Variants in SLC25A13 observed in about 807,000 individuals in gnomAD.
SLC25A13 encodes electrogenic aspartate/glutamate antiporter SLC25A13, mitochondrial.
SLC25A13 carries 70 observed loss-of-function variants against 85.5 expected under a neutral mutation model. The observed-to-expected ratio is 0.82, with a 90% confidence interval of 0.68 to 1.00. The LOEUF is 1.00. Among genes scored for constraint, SLC25A13 ranks in the 50% least tolerant of loss-of-function variants. The pLI is 0.00. For missense variants in SLC25A13, 765 were observed against 819.8 expected (o/e 0.93, Z 0.82); for synonymous variants, 259 against 288.7 (o/e 0.90, Z 1.04).
At chr7:96,156,619 T>G (rs926446585) in intron 13 of SLC25A13, among the ~76,000 whole-genome samples, 2 of 152,244 alleles carry the variant, frequency 1.3e-5, no homozygotes, top group Middle Eastern at 3.4e-3. Flanking sequence ...GCCTGGCTAA[T>G]TTTTTGTGTT....
At chr7:96,179,030 T>C (rs191276535) in intron 11 of SLC25A13, among the ~76,000 whole-genome samples, 2 of 152,366 alleles carry the variant, frequency 1.3e-5, no homozygotes, top group Admixed American at 6.5e-5. Context: ...TTTCAAGCAC[T>C]GTCTGTTATC....
chr7:96,197,595 T>G (rs533856262), intron 5 of SLC25A13, among the ~76,000 whole-genome samples: 50 of 152,340 alleles, frequency 3.3e-4, no homozygotes, highest in Admixed American at 6.5e-4. Context: ...TCAAAGCTCC[T>G]GGTTTGCACC....
At chr7:96,243,728 G>A (rs1015149580) in intron 3 of SLC25A13, among the ~76,000 whole-genome samples, 13 of 152,116 alleles carry the variant, frequency 8.5e-5, no homozygotes, top group African/African-American at 2.2e-4. Context: ...TTGGAGGACA[G>A]GGATGTGAGG....
At chr7:96,189,453 C>A (rs1794760572) in intron 8 of SLC25A13, 75 bp from the exon 9 acceptor site, 1 of 1,556,462 alleles carries the variant, frequency 6.4e-7, no homozygotes, top group Non-Finnish European at 8.9e-7. Flanking sequence ...TTAAAAACAT[C>A]CCTTTTTTCA....
At chr7:96,182,467 G>C (rs1352232698) in intron 11 of SLC25A13, among the ~76,000 whole-genome samples, 1 of 152,184 alleles carries the variant, frequency 6.6e-6, no homozygotes, top group African/African-American at 2.4e-5. Context: ...TTCTAAACCA[G>C]GAAAAGGGTG....
At chr7:96,160,559 A>G (rs1793467859) in intron 13 of SLC25A13, among the ~76,000 whole-genome samples, 1 of 152,162 alleles carries the variant, frequency 6.6e-6, no homozygotes, top group Admixed American at 6.5e-5. Context: ...CTGTCTTCTC[A>G]CTGTGTCCTC....
chr7:96,128,953 T>G (rs1205972532), intron 15 of SLC25A13, among the ~76,000 whole-genome samples: 2 of 146,590 alleles, frequency 1.4e-5, no homozygotes, highest in African/African-American at 5.0e-5. Context: ...TCTCTCTCTC[T>G]CTCTCTCTCT....
At chr7:96,257,877 C>T (rs192118588) in intron 3 of SLC25A13, among the ~76,000 whole-genome samples, 56 of 152,244 alleles carry the variant, frequency 3.7e-4, no homozygotes, top group Admixed American at 9.2e-4. Flanking sequence ...ATAATCAAGT[C>T]GGCTTCATCC....
At chr7:96,247,113 G>A (rs1797220707) in intron 3 of SLC25A13, among the ~76,000 whole-genome samples, 1 of 152,148 alleles carries the variant, frequency 6.6e-6, no homozygotes, top group Non-Finnish European at 1.5e-5. Flanking sequence ...CTGAAATAAT[G>A]TGTACTATAG....
At chr7:96,263,034 A>G (rs1797916790) in intron 3 of SLC25A13, among the ~76,000 whole-genome samples, 1 of 151,340 alleles carries the variant, frequency 6.6e-6, no homozygotes, top group Non-Finnish European at 1.5e-5. Flanking sequence ...AGGAAAAAAA[A>G]AAAAAAAAAA....
At chr7:96,311,603 C>A (rs1297249316) in intron 1 of SLC25A13, among the ~76,000 whole-genome samples, 4 of 152,140 alleles carry the variant, frequency 2.6e-5, no homozygotes, top group Non-Finnish European at 4.4e-5. Context: ...CATGTGTGGA[C>A]TATATCTGAA....
At chr7:96,266,497 T>C (rs1798046819) in intron 3 of SLC25A13, among the ~76,000 whole-genome samples, 1 of 152,096 alleles carries the variant, frequency 6.6e-6, no homozygotes, top group South Asian at 2.1e-4. Context: ...AAAGAAGGCT[T>C]GGATTGGTAA....
chr7:96,246,099 A>C (rs1797179389), intron 3 of SLC25A13, among the ~76,000 whole-genome samples: 1 of 152,230 alleles, frequency 6.6e-6, no homozygotes, highest in Admixed American at 6.5e-5. Flanking sequence ...AGGTACTTTG[A>C]ATGCACCCAA....
chr7:96,170,020 G>A (rs768849440), intron 13 of SLC25A13, 25 bp downstream of exon 13: 3 of 1,609,398 alleles, frequency 1.9e-6, no homozygotes, highest in East Asian at 4.5e-5. Context: ...TCTTTTCAAT[G>A]AAGAGAGCTT....
intron 14 of SLC25A13, among the ~76,000 whole-genome samples, chr7:96,135,041 T>C (rs1283188949): frequency 1.3e-5 from 2 of 152,072 alleles, no homozygotes; most frequent in African/African-American, 4.8e-5. Flanking sequence ...CTGTCACCCC[T>C]AGCCATGTGA....
chr7:96,175,861 T>C (rs759604492), intron 11 of SLC25A13, among the ~76,000 whole-genome samples: 1 of 152,228 alleles, frequency 6.6e-6, no homozygotes, highest in Non-Finnish European at 1.5e-5. Flanking sequence ...AACTTCAACT[T>C]AGAATAAAAC....
intron 4 of SLC25A13, among the ~76,000 whole-genome samples, chr7:96,211,816 C>T (rs1039327308): frequency 6.6e-6 from 1 of 152,170 alleles, no homozygotes; most frequent in Non-Finnish European, 1.5e-5. Context: ...GCATACAAAT[C>T]ATCAGTCAAC....
intron 11 of SLC25A13, among the ~76,000 whole-genome samples, chr7:96,178,572 C>T (rs150517745): frequency 3.9e-5 from 6 of 152,238 alleles, no homozygotes; most frequent in East Asian, 1.9e-4. Flanking sequence ...GCAACCCCTC[C>T]GATGTCAAAT....
intron 5 of SLC25A13, among the ~76,000 whole-genome samples, chr7:96,200,877 G>T (rs1478026313): frequency 1.3e-5 from 2 of 152,148 alleles, no homozygotes; most frequent in Admixed American, 6.6e-5. Context: ...ACAGCACAAT[G>T]AATCCTGATT....
Sources: gnomAD v4.1 joint callset for allele counts (sites outside exome capture counted in the v4.1 genomes callset) on GRCh38, gnomAD v4.1.1 for gene constraint, MANE v1.5 for transcripts, NCBI Gene and HGNC (gene_info 2026-07-23, HGNC 2026-07-21) for gene names.